PANK3: variants seen among roughly 807,000 people sequenced by gnomAD.
PANK3 encodes the protein hPanK3.
In PANK3, 20 loss-of-function variants were observed where a neutral mutation model predicts 39.4. The ratio of observed to expected loss-of-function variants is 0.51; its 90% CI spans 0.36 to 0.74. The LOEUF (loss-of-function observed/expected upper bound fraction) is 0.74, where lower values mean the gene tolerates loss of function less well. PANK3 is among the 30% of genes least tolerant of loss of function. The probability of loss-of-function intolerance (pLI) is 0.00; values close to 1 mark genes in which losing one functional copy is unlikely to be tolerated. For missense variants in PANK3, 265 were observed against 437.0 expected, an observed-to-expected ratio of 0.61 and a Z score of 3.51; for synonymous variants, 140 against 157.3, an observed-to-expected ratio of 0.89 and a Z score of 0.82.
intron 1 of PANK3, among the ~76,000 whole-genome samples, chr5:168,569,783 G>A (rs1226450938): frequency 6.6e-6 from 1 of 152,166 alleles, no homozygotes; most frequent in Non-Finnish European, 1.5e-5. Context: ...CAGGTATGGT[G>A]CTCACACCTG....
rs1175151109 is a variant in PANK3 at position 168,559,111 on chromosome 5, G to T, written c.983C>A (p.Thr328Asn). ...VFVGNFLRVNTLSMKLLAYAL... is the reference protein window; with the variant it reads ...VFVGNFLRVNNLSMKLLAYAL... ...ATATGCCAAAAGTTTCATTGAGAGG[G>T]TATTGACACGTAAAAAGTTTCCAAC... The change falls in exon 6 of 7, where the codon ACC becomes AAC. Residue 328 changes from threonine to asparagine, a missense_variant. Thr to Asn is a moderately conservative substitution (Grantham distance 65). Around this residue, in one of 3 missense-constraint regions of PANK3, gnomAD observed 110 missense variants for 161.2 expected, o/e 0.68. Coordinates refer to ENST00000239231, the MANE Select transcript of PANK3 (RefSeq NM_024594.4). 2 of 1,593,348 alleles carry T rather than the reference G, an allele frequency of 1.3e-6. No individual in the cohort carries two copies. The highest frequency in any genetic ancestry group is 1.7e-6 in the Non-Finnish European group (2 of 1,166,048).
At chr5:168,570,898 C>T (rs144052298) in intron 1 of PANK3, among the ~76,000 whole-genome samples, 84 of 152,092 alleles carry the variant, frequency 5.5e-4, no homozygotes, top group African/African-American at 1.9e-3. Flanking sequence ...GTAAGGCCAG[C>T]GATAGAGGCC....
Position 168,569,007 on chromosome 5 carries a change from G to T in PANK3, c.29-9C>A. 2.7e-4 allele frequency: 49 copies of T among 179,428 alleles called. No individual in the cohort carries two copies. The highest frequency in any genetic ancestry group is 6.3e-4 in the South Asian group (2 of 3,176). The allele number at this position is 179,428 out of a possible 1,614,324, so 11.1% of individuals were successfully genotyped here. A position where few individuals can be genotyped will look rare whatever the true frequency, so the allele number is the denominator to read the frequency against. On this transcript the variant is annotated splice_polypyrimidine_tract_variant and intron_variant, in intron 1 of 6. Coordinates refer to ENST00000239231, the MANE Select transcript of PANK3 (RefSeq NM_024594.4). ...GCCAAACCATGGGAAAGCTATGGGA[G>T]GAAAAAAAAAAAAAAAAAAAAAAAT...
intron 4 of PANK3, among the ~76,000 whole-genome samples, 176 bp downstream of exon 4, chr5:168,563,713 G>C (rs1204386497): frequency 1.3e-5 from 2 of 151,844 alleles, no homozygotes; most frequent in African/African-American, 2.4e-5. Flanking sequence ...GGTGCACTCA[G>C]GGTAAACTTC....
In PANK3 at chr5:168,559,288, T is replaced by C. The variant is rs1207099872; in HGVS notation, c.937-131A>G. The C allele has an allele frequency of 2.1e-5, 12 of 562,936 alleles. No individual in the cohort carries two copies. The East Asian group carries it at 3.9e-4, about 18-fold the overall frequency. 34.9% of individuals were successfully genotyped at this position (562,936 alleles called of 1,614,324 possible). A position where few individuals can be genotyped will look rare whatever the true frequency, so the allele number is the denominator to read the frequency against. ...AACTACGCTTTATTAGTATAACACC[T>C]ACTACATTCCTGGCATATAGCTGTA... is the stretch of plus-strand genomic sequence containing the variant. On this transcript the variant is annotated intron_variant, in intron 5 of 6. Transcript: ENST00000239231.
At position 168,579,159 on chromosome 5, in the gene PANK3, G is replaced by A. The variant is rs980263497; in HGVS notation, c.28+97C>T. 4 of 1,157,452 alleles carry A rather than the reference G, an allele frequency of 3.5e-6. No homozygotes were observed. The South Asian group carries it at 5.3e-5, about 15-fold the overall frequency. The allele number at this position is 1,157,452 out of a possible 1,614,324, so 71.7% of individuals were successfully genotyped here. ...CCATACCGGACGAAGCGCCGGCGAG[G>A]AGCGACGGGCTTGGAAGCCGACCGC... On this transcript the variant is annotated intron_variant, in intron 1 of 6. Transcript: ENST00000239231.
rs569700809 is a variant in PANK3, at chr5:168,568,861, C to T, written c.166G>A (p.Val56Met). 9 of 1,613,804 alleles carry T rather than the reference C, an allele frequency of 5.6e-6. No homozygotes were observed. Among genetic ancestry groups the T allele is most frequent in the African/African-American group, 2.7e-5 (2 of 74,930 alleles). The change falls in exon 2 of 7, where the codon GTG becomes ATG. Residue 56 changes from valine to methionine, a missense_variant. Physicochemically the swap from Val to Met is conservative, Grantham distance 21. Transcript: ENST00000239231. ...KSIRKYLTSN[V>M]AYGSTGIRDV... Reference sequence around the variant, plus strand: ...CGAATGCCGGTGGATCCATATGCCACGTTAGAAGTCAAATATTTCCGAATA... The same window carrying T: ...CGAATGCCGGTGGATCCATATGCCATGTTAGAAGTCAAATATTTCCGAATA...
intron 4 of PANK3, among the ~76,000 whole-genome samples, chr5:168,562,833 T>G (rs1045549105): frequency 6.6e-6 from 1 of 152,106 alleles, no homozygotes; most frequent in Non-Finnish European, 1.5e-5. Context: ...GCCAAGTTCA[T>G]ACAGAAAATC....
At chr5:168,572,064 A>G (rs897645988) in intron 1 of PANK3, among the ~76,000 whole-genome samples, 6 of 151,736 alleles carry the variant, frequency 4.0e-5, no homozygotes, top group African/African-American at 1.5e-4. Flanking sequence ...AGCAGAAGAA[A>G]GTGACTATAT....
chr5:168,563,052 C>G (rs1274765163), intron 4 of PANK3, among the ~76,000 whole-genome samples: 10 of 151,952 alleles, frequency 6.6e-5, no homozygotes, highest in African/African-American at 2.2e-4. Context: ...AAAGCATGAT[C>G]TGTAACTCAC....
At chr5:168,578,485 C>T (rs1759769014) in intron 1 of PANK3, 1 of 152,150 alleles carries the variant, frequency 6.6e-6, no homozygotes, top group African/African-American at 2.4e-5. Flanking sequence ...GAGTGACAAT[C>T]ACAATGGCTG....
At position 168,555,961 on chromosome 5, in the gene PANK3, T is replaced by C. The variant is rs1236402862; in HGVS notation, c.*1610A>G. Reference sequence around the variant, plus strand: ...GGAAATAAGAGGAACAAACCCCTTTTGGACAGAATCTATTAAAACTCATTC... The same window carrying C: ...GGAAATAAGAGGAACAAACCCCTTTCGGACAGAATCTATTAAAACTCATTC... On this transcript the variant is annotated 3_prime_UTR_variant, in exon 7 of 7. Coordinates refer to ENST00000239231, the MANE Select transcript of PANK3 (RefSeq NM_024594.4). 6.6e-6 allele frequency: 1 copy of C among 152,250 alleles called. No homozygotes were observed. The highest frequency in any genetic ancestry group is 1.9e-4 in the East Asian group (1 of 5,198). The allele number at this position is 152,250 out of a possible 1,614,324, so 9.4% of individuals were successfully genotyped here. A position where few individuals can be genotyped will look rare whatever the true frequency, so the allele number is the denominator to read the frequency against.
chr5:168,572,385 T>G (rs749541808), intron 1 of PANK3, among the ~76,000 whole-genome samples: 22 of 152,260 alleles, frequency 1.4e-4, no homozygotes, highest in Non-Finnish European at 2.8e-4. Context: ...TTATTTCACC[T>G]GGGTGCAGGC....
chr5:168,565,885 A>ATATATATATATATTTTT (rs1441027360), intron 3 of PANK3, 128 bp downstream of exon 3: 2 of 192,930 alleles, frequency 1.0e-5, no homozygotes, highest in African/African-American at 5.3e-5. Flanking sequence ...ATATATATAT[A>ATATATATATATATTTTT]TTTTTTTTTT....
At position 168,569,014 on chromosome 5, in the gene PANK3, AAAAAAAAAAAAAAAAAATAT is replaced by A. The variant is rs1561842118; in HGVS notation, c.29-36_29-17del. ...CATGGGAAAGCTATGGGAGGAAAAA[AAAAAAAAAAAAAAAAAATAT>A]ATATATATATATATATCCATTTTAG... On this transcript the variant is annotated splice_polypyrimidine_tract_variant and intron_variant, in intron 1 of 6. Coordinates refer to ENST00000239231, the MANE Select transcript of PANK3 (RefSeq NM_024594.4). 4 of 328,280 alleles carry A rather than the reference AAAAAAAAAAAAAAAAAATAT, an allele frequency of 1.2e-5. No individual in the cohort carries two copies. In the East Asian group the frequency reaches 5.5e-4, roughly 45 times the overall value. The allele number at this position is 328,280 out of a possible 1,614,324, so 20.3% of individuals were successfully genotyped here.
chr5:168,562,356 G>C (rs548289658), intron 4 of PANK3, among the ~76,000 whole-genome samples: 7 of 152,086 alleles, frequency 4.6e-5, no homozygotes, highest in Non-Finnish European at 7.4e-5. Context: ...AAAATGAGAA[G>C]AAAAATCTTA....
intron 5 of PANK3, among the ~76,000 whole-genome samples, chr5:168,560,529 T>C (rs543609224): frequency 3.3e-5 from 5 of 152,230 alleles, no homozygotes; most frequent in South Asian, 2.1e-4. Context: ...ATTTACTTAA[T>C]ATGTCACTAG....
At chr5:168,574,975 G>A (rs1321938616) in intron 1 of PANK3, among the ~76,000 whole-genome samples, 1 of 152,000 alleles carries the variant, frequency 6.6e-6, no homozygotes. Context: ...CAGTGCACAA[G>A]CAGCCTACTT....
chr5:168,560,201 C>T lies in PANK3; in HGVS notation c.937-1044G>A, dbSNP rs556896870. 1.7e-3 allele frequency among the ~76,000 whole-genome samples: 265 copies of T among 152,260 alleles called. 1 individual carries two copies. The highest frequency in any genetic ancestry group is 2.8e-3 in the Non-Finnish European group (191 of 68,012). ...GTCTACTAGTAACTCCATCAACCAA[C>T]TAACACTTAAGTTTCTAAGTTATTA... On this transcript the variant is annotated intron_variant, in intron 5 of 6. Coordinates refer to ENST00000239231, the MANE Select transcript of PANK3 (RefSeq NM_024594.4).
Sources: allele counts gnomAD v4.1 joint callset (sites outside exome capture counted in the v4.1 genomes callset), GRCh38; gene constraint gnomAD v4.1.1; regional missense constraint gnomAD v4.1.1; transcripts MANE v1.5; gene names NCBI Gene and HGNC (gene_info 2026-07-23, HGNC 2026-07-21).